The following PROX1 variants were observed in gnomAD, a reference collection of about 807,000 sequenced individuals.
PROX1 encodes prospero homeobox protein 1.
PROX1 carries 7 observed loss-of-function variants against 58.8 expected under a neutral mutation model. That is an observed-to-expected ratio of 0.12 (90% CI 0.07 to 0.22). The LOEUF (loss-of-function observed/expected upper bound fraction) is 0.22. Ranked by LOEUF, PROX1 falls within the 10% of genes least tolerant of loss-of-function variation. PROX1 has a pLI of 1.00. For missense variants in PROX1, 675 were observed against 927.8 expected (o/e 0.73, Z 3.54); for synonymous variants, 350 against 358.3 (o/e 0.98, Z 0.26).
intron 4 of PROX1, among the ~76,000 whole-genome samples, chr1:214,027,755 T>G (rs1241838535): frequency 6.6e-6 from 1 of 152,170 alleles, no homozygotes; most frequent in Non-Finnish European, 1.5e-5. Flanking sequence ...CAGTTTATCT[T>G]GCAATATGGC....
chr1:214,005,342 T>C, intron 3 of PROX1, 70 bp downstream of exon 3: 1 of 1,179,642 alleles, frequency 8.5e-7, no homozygotes, highest in Non-Finnish European at 1.2e-6. Flanking sequence ...CTCCCGGAAG[T>C]TAATGGAGAT....
At chr1:214,035,312 A>G (rs1317812976) in intron 4 of PROX1, among the ~76,000 whole-genome samples, 8 of 152,180 alleles carry the variant, frequency 5.3e-5, no homozygotes, top group Admixed American at 5.2e-4. Flanking sequence ...ATAATTGGAG[A>G]CTTTCTTCTG....
intron 3 of PROX1, among the ~76,000 whole-genome samples, chr1:214,005,685 C>A (rs1663684051): frequency 6.6e-6 from 1 of 152,198 alleles, no homozygotes; most frequent in South Asian, 2.1e-4. Context: ...TCTAGCACCT[C>A]TTTTTCCCCC....
rs116712554 is a variant in PROX1, at chr1:214,032,585, G to A, written c.2029-3064G>A. ...ATTTTTTTGCATTTTTGGTAGAGACGGGGTTTCATCATGTTGCTCAGGCTG... is the reference window on the plus strand; with the variant it reads ...ATTTTTTTGCATTTTTGGTAGAGACAGGGTTTCATCATGTTGCTCAGGCTG... On this transcript the variant is annotated intron_variant, in intron 4 of 4. Coordinates refer to ENST00000366958, the MANE Select transcript of PROX1 (RefSeq NM_001270616.2). Among the ~76,000 whole-genome samples the A allele has an allele frequency of 9.4e-3, 1,426 of 151,980 alleles. 13 individuals carry two copies. Among genetic ancestry groups the A allele is most frequent in the Non-Finnish European group, 0.015 (1,044 of 67,954 alleles).
intron 4 of PROX1, among the ~76,000 whole-genome samples, chr1:214,012,186 C>T (rs548460741): frequency 6.6e-6 from 1 of 152,252 alleles, no homozygotes; most frequent in African/African-American, 2.4e-5. Flanking sequence ...CTGACTTTGA[C>T]ATTTAGTCCC....
chr1:214,035,939 C>A lies in PROX1; in HGVS notation c.*105C>A. On this transcript the variant is annotated 3_prime_UTR_variant, in exon 5 of 5. Transcript: ENST00000366958. ...ATTTCATATATATGTGTATGGGAGGCATGGATATGTTATGAAATCAGCTGG... is the reference window on the plus strand; with the variant it reads ...ATTTCATATATATGTGTATGGGAGGAATGGATATGTTATGAAATCAGCTGG... 1.1e-6 allele frequency: 1 copy of A among 944,012 alleles called. No homozygotes were observed. Among genetic ancestry groups the A allele is most frequent in the Non-Finnish European group, 1.5e-6 (1 of 673,446 alleles). 58.5% of individuals were successfully genotyped at this position (944,012 alleles called of 1,614,324 possible).
At chr1:214,025,007 A>G (rs1281566006) in intron 4 of PROX1, among the ~76,000 whole-genome samples, 1 of 152,238 alleles carries the variant, frequency 6.6e-6, no homozygotes, top group Non-Finnish European at 1.5e-5. Context: ...AGTGACTGGT[A>G]TATGATTGCA....
chr1:214,013,129 A>T (rs1325648488), intron 4 of PROX1, among the ~76,000 whole-genome samples: 1 of 115,582 alleles, frequency 8.7e-6, no homozygotes. Context: ...TGATAAATGA[A>T]GTTTGGGTGG....
intron 4 of PROX1, among the ~76,000 whole-genome samples, chr1:214,031,151 C>T (rs1042934605): frequency 6.6e-6 from 1 of 152,050 alleles, no homozygotes; most frequent in African/African-American, 2.4e-5. Context: ...TCATTTTCTG[C>T]ATTTCATGGA....
chr1:214,000,116 T>G (rs891981604), intron 2 of PROX1, among the ~76,000 whole-genome samples: 3 of 152,146 alleles, frequency 2.0e-5, no homozygotes, highest in Non-Finnish European at 2.9e-5. Flanking sequence ...TTGGTGAATA[T>G]TTAAAGATTT....
intron 4 of PROX1, among the ~76,000 whole-genome samples, chr1:214,027,903 G>A (rs542369839): frequency 6.7e-6 from 1 of 150,114 alleles, no homozygotes; most frequent in Non-Finnish European, 1.5e-5. Flanking sequence ...ATTGCCATGT[G>A]TTCCTTTGTT....
At chr1:214,001,988 T>C (rs924020999) in intron 2 of PROX1, among the ~76,000 whole-genome samples, 1 of 152,190 alleles carries the variant, frequency 6.6e-6, no homozygotes, top group Non-Finnish European at 1.5e-5. Context: ...CCCATTTTAG[T>C]TTCTAGGGGG....
intron 4 of PROX1, among the ~76,000 whole-genome samples, chr1:214,025,904 C>T (rs1324376842): frequency 6.6e-6 from 1 of 152,020 alleles, no homozygotes; most frequent in Non-Finnish European, 1.5e-5. Context: ...CCTCATGATT[C>T]ACCCGCCTCA....
intron 4 of PROX1, among the ~76,000 whole-genome samples, chr1:214,035,274 A>G: frequency 6.6e-6 from 1 of 152,226 alleles, no homozygotes; most frequent in Non-Finnish European, 1.5e-5. Flanking sequence ...TGGCAATCAA[A>G]AAGAAATAGG....
intron 4 of PROX1, among the ~76,000 whole-genome samples, chr1:214,018,135 G>A (rs542903641): frequency 4.3e-4 from 66 of 152,138 alleles, no homozygotes; most frequent in Non-Finnish European, 7.5e-4. Context: ...AAGCTTGTTC[G>A]AAGTTGGCCA....
At chr1:213,983,532 C>G (rs1266090441), upstream of PROX1, among the ~76,000 whole-genome samples, 2 of 152,358 alleles carry the variant, frequency 1.3e-5, no homozygotes, top group Admixed American at 1.3e-4. Flanking sequence ...CCTTCACACT[C>G]ACACCCTCAC....
chr1:214,025,797 G>A (rs142546381), intron 4 of PROX1, among the ~76,000 whole-genome samples: 3,237 of 152,192 alleles, frequency 0.021, 124 homozygotes, highest in African/African-American at 0.071. Context: ...GAATAGCTGG[G>A]ATTGCGGGCG....
At chr1:214,034,696 C>T (rs1664773240) in intron 4 of PROX1, among the ~76,000 whole-genome samples, 2 of 152,126 alleles carry the variant, frequency 1.3e-5, no homozygotes, top group Admixed American at 6.6e-5. Context: ...ACACACAACA[C>T]ACATACATAT....
intron 1 of PROX1, among the ~76,000 whole-genome samples, chr1:213,994,316 A>T (rs1262652915): frequency 2.0e-5 from 3 of 152,198 alleles, no homozygotes; most frequent in Admixed American, 1.3e-4. Flanking sequence ...TTTGCAGGTG[A>T]TAGTCAAGAG....
Sources: gnomAD v4.1 joint callset for allele counts (sites outside exome capture counted in the v4.1 genomes callset) on GRCh38, gnomAD v4.1.1 for gene constraint, MANE v1.5 for transcripts, NCBI Gene and HGNC (gene_info 2026-07-23, HGNC 2026-07-21) for gene names.